The following PTPRD variants were observed in gnomAD, a reference collection of about 807,000 sequenced individuals.
PTPRD encodes the protein receptor-type tyrosine-protein phosphatase delta.
In PTPRD, 34 loss-of-function variants were observed where a neutral mutation model predicts 214.5. That is an observed-to-expected ratio of 0.16 (90% confidence interval 0.12 to 0.21). PTPRD has a LOEUF of 0.21. Among genes scored for constraint, PTPRD ranks in the 10% least tolerant of loss-of-function variants. The probability of loss-of-function intolerance (pLI) is 1.00; values close to 1 mark genes in which losing one functional copy is unlikely to be tolerated. For missense variants in PTPRD, 2,545 were observed against 2,398.7 expected, an observed-to-expected ratio of 1.06 and a Z score of -1.27; for synonymous variants, 1,128 against 845.7, an observed-to-expected ratio of 1.33 and a Z score of -5.79.
chr9:9,581,166 A>T (rs1174005984), intron 7 of PTPRD, among the ~76,000 whole-genome samples: 1 of 152,126 alleles, frequency 6.6e-6, no homozygotes, highest in Non-Finnish European at 1.5e-5. Context: ...TAGTCTTACA[A>T]CTCTAATAAA....
Position 8,911,438 on chromosome 9 carries a change from TGTGA to T in PTPRD, c.-104+107255_-104+107258del, listed in dbSNP as rs1156656298. On this transcript the variant is annotated intron_variant, in intron 11 of 45. Transcript: ENST00000381196. The stretch of plus-strand genomic sequence containing the variant: ...TGTTGTGTGTGTGTGTGTGTGTGTG[TGTGA>T]GAGAGAGAGAGAGACAAAGAGAGAA... 4.2e-4 allele frequency among the ~76,000 whole-genome samples: 64 copies of T among 151,560 alleles called. No individual in the cohort carries two copies. In the East Asian group the frequency reaches 6.2e-3, roughly 15 times the overall value.
intron 2 of PTPRD, among the ~76,000 whole-genome samples, chr9:10,449,521 C>G (rs1047069459): frequency 3.7e-4 from 54 of 144,996 alleles, no homozygotes; most frequent in Non-Finnish European, 6.2e-4. Flanking sequence ...TGTGAGGAGC[C>G]CCTCTGCCCA....
At chr9:10,473,122 A>G (rs898639339) in intron 2 of PTPRD, among the ~76,000 whole-genome samples, 1 of 152,124 alleles carries the variant, frequency 6.6e-6, no homozygotes, top group African/African-American at 2.4e-5. Flanking sequence ...AAATTGGCCG[A>G]CATAGAAATT....
intron 10 of PTPRD, among the ~76,000 whole-genome samples, chr9:9,060,256 TAGAG>T (rs1206658792): frequency 2.6e-5 from 4 of 152,096 alleles, no homozygotes; most frequent in African/African-American, 9.7e-5. Flanking sequence ...CATGCAAACA[TAGAG>T]AGTTGATTTA....
chr9:9,532,010 T>A (rs2075585195), intron 8 of PTPRD, among the ~76,000 whole-genome samples: 1 of 152,024 alleles, frequency 6.6e-6, no homozygotes, highest in Non-Finnish European at 1.5e-5. Flanking sequence ...CCAATATTAT[T>A]AGTGCTAATA....
chr9:9,287,737 GA>G (rs1192405742), intron 9 of PTPRD, among the ~76,000 whole-genome samples: 4 of 151,898 alleles, frequency 2.6e-5, no homozygotes, highest in African/African-American at 9.7e-5. Context: ...TAGGAGCACA[GA>G]AGATATTTCT....
At position 8,580,290 on chromosome 9, in the gene PTPRD, G is replaced by C. The variant is rs144898956; in HGVS notation, c.353-51511C>G. ...TGACAAACCAAGACAGATCCGAAATGATACATGACTCTAAAACATTGAAGC... is the reference window on the plus strand; with the variant it reads ...TGACAAACCAAGACAGATCCGAAATCATACATGACTCTAAAACATTGAAGC... On this transcript the variant is annotated intron_variant, in intron 14 of 45. Transcript: ENST00000381196. Among the ~76,000 whole-genome samples, 199 of 152,264 alleles carry C rather than the reference G, an allele frequency of 1.3e-3. 1 individual carries two copies. The highest frequency in any genetic ancestry group is 4.6e-3 in the African/African-American group (192 of 41,560).
intron 10 of PTPRD, among the ~76,000 whole-genome samples, chr9:9,171,366 AT>A (rs1248712268): frequency 6.7e-6 from 1 of 149,816 alleles, no homozygotes; most frequent in East Asian, 1.9e-4. Flanking sequence ...ATTAGATTAT[AT>A]TTATAATCAT....
At chr9:10,496,892 C>T (rs2042218471) in intron 2 of PTPRD, among the ~76,000 whole-genome samples, 1 of 152,072 alleles carries the variant, frequency 6.6e-6, no homozygotes, top group Middle Eastern at 3.4e-3. Context: ...AGTATTTTCT[C>T]CCATTCTGTA....
chr9:8,821,454 GTTTC>G (rs946790272), intron 11 of PTPRD, among the ~76,000 whole-genome samples: 54 of 152,266 alleles, frequency 3.5e-4, no homozygotes, highest in Admixed American at 2.3e-3. Flanking sequence ...ACTGCGGTTT[GTTTC>G]TTTCTCTTAG....
chr9:8,920,761 A>C (rs186316285), intron 11 of PTPRD, among the ~76,000 whole-genome samples: 1 of 152,310 alleles, frequency 6.6e-6, no homozygotes, highest in African/African-American at 2.4e-5. Flanking sequence ...AAAACATGAC[A>C]CAACAGAGTC....
chr9:9,188,926 G>A (rs920819868), intron 9 of PTPRD, among the ~76,000 whole-genome samples: 1 of 151,702 alleles, frequency 6.6e-6, no homozygotes, highest in East Asian at 1.9e-4. Flanking sequence ...CTTTACACAG[G>A]AAAATCATCA....
At chr9:9,609,391 A>G (rs1055139382) in intron 7 of PTPRD, among the ~76,000 whole-genome samples, 1 of 152,192 alleles carries the variant, frequency 6.6e-6, no homozygotes, top group Non-Finnish European at 1.5e-5. Flanking sequence ...AAACAAAAAA[A>G]CAGAAGCACA....
intron 19 of PTPRD, among the ~76,000 whole-genome samples, chr9:8,521,956 T>C (rs941930799): frequency 2.6e-5 from 4 of 152,134 alleles, no homozygotes; most frequent in African/African-American, 4.8e-5. Flanking sequence ...TTAAGTTGAG[T>C]ATCAAAACCA....
chr9:10,018,839 G>A (rs918073146), intron 4 of PTPRD, among the ~76,000 whole-genome samples: 1 of 151,966 alleles, frequency 6.6e-6, no homozygotes. Flanking sequence ...GTGAGCCACC[G>A]CGCCCGGCCA....
intron 9 of PTPRD, among the ~76,000 whole-genome samples, chr9:9,350,392 T>C (rs1488515021): frequency 6.6e-6 from 1 of 152,028 alleles, no homozygotes; most frequent in Non-Finnish European, 1.5e-5. Context: ...TTTATTCTGA[T>C]TTTCTCAATA....
At chr9:10,543,409 T>C (rs950186849) in intron 2 of PTPRD, among the ~76,000 whole-genome samples, 6 of 152,022 alleles carry the variant, frequency 3.9e-5, no homozygotes, top group African/African-American at 1.2e-4. Flanking sequence ...TCATAGAATT[T>C]GTGTGTGAGT....
intron 9 of PTPRD, among the ~76,000 whole-genome samples, chr9:9,374,125 TA>T (rs1239689401): frequency 2.6e-5 from 4 of 152,098 alleles, no homozygotes; most frequent in Admixed American, 2.6e-4. Context: ...AATATTAACC[TA>T]AAAATATTCC....
intron 29 of PTPRD, among the ~76,000 whole-genome samples, chr9:8,484,612 A>G (rs1272111102): frequency 6.6e-6 from 1 of 151,194 alleles, no homozygotes; most frequent in Non-Finnish European, 1.5e-5. Flanking sequence ...AAAGATAGAT[A>G]TATACATATA....
Sources: gnomAD v4.1 joint callset for allele counts (sites outside exome capture counted in the v4.1 genomes callset) on GRCh38, gnomAD v4.1.1 for gene constraint, MANE v1.5 for transcripts, NCBI Gene and HGNC (gene_info 2026-07-23, HGNC 2026-07-21) for gene names.